MIEF1: variants seen among roughly 807,000 people sequenced by gnomAD.
The protein encoded by MIEF1 is mitochondrial dynamics protein MIEF1.
Under a neutral mutation model 35.1 loss-of-function variants are expected in MIEF1, and 14 were observed. The ratio of observed to expected loss-of-function variants is 0.40; its 90% CI spans 0.26 to 0.62. MIEF1 has a LOEUF of 0.62. MIEF1 is among the 20% of genes least tolerant of loss of function. The pLI, the probability that MIEF1 is intolerant of heterozygous loss-of-function variation, is 0.43. For synonymous variants in MIEF1, 245 were observed against 254.3 expected, an observed-to-expected ratio of 0.96 and a Z score of 0.35; for missense variants, 542 against 615.4, an observed-to-expected ratio of 0.88 and a Z score of 1.26.
chr22:39,506,503 ATTG>A (rs754924517), intron 2 of MIEF1, among the ~76,000 whole-genome samples: 2 of 152,070 alleles, frequency 1.3e-5, no homozygotes, highest in African/African-American at 2.4e-5. Flanking sequence ...ATCTCATGGG[ATTG>A]TTGTTGTGAG....
In MIEF1 at chr22:39,514,438, C is replaced by G; in HGVS notation, c.*115C>G. 1.0e-6 allele frequency: 1 copy of G among 976,886 alleles called. No homozygotes were observed. The highest frequency in any genetic ancestry group is 1.5e-5 in the South Asian group (1 of 67,106). The allele number at this position is 976,886 out of a possible 1,614,324, so 60.5% of individuals were successfully genotyped here. A position where few individuals can be genotyped will look rare whatever the true frequency, so the allele number is the denominator to read the frequency against. On this transcript the variant is annotated 3_prime_UTR_variant, in exon 6 of 6. Transcript: ENST00000325301. ...TCCTGCTGCCTGGTGTCTTGCTGAT[C>G]ATCACCCTGGTCACTTCATGCTGAT...
intron 1 of MIEF1, chr22:39,503,464 T>C (rs1459280783): frequency 2.0e-5 from 3 of 152,222 alleles, no homozygotes; most frequent in Non-Finnish European, 4.4e-5. Flanking sequence ...TTTACAGATA[T>C]GCTTGTGTAA....
At chr22:39,513,406 G>T in intron 5 of MIEF1, 111 bp from the exon 6 acceptor site, 1 of 1,167,294 alleles carries the variant, frequency 8.6e-7, no homozygotes, top group Non-Finnish European at 1.2e-6. Flanking sequence ...GCCCGGCCTA[G>T]AGTTCCCATT....
intron 2 of MIEF1, among the ~76,000 whole-genome samples, chr22:39,508,069 A>T (rs553552035): frequency 1.1e-3 from 167 of 152,298 alleles, no homozygotes; most frequent in African/African-American, 3.8e-3. Context: ...GCACTTTTAC[A>T]GTTTATAGAC....
In MIEF1 at chr22:39,514,036, G is replaced by A; in HGVS notation, c.1105G>A (p.Ala369Thr). ...ATCTCTGTGCCTCAAGATCCTCAAG[G>A]CCATATGCAAGTCCACCCCGGCTCT... ...CRSLCLKILK[A>T]ICKSTPALGH... Residue 369 changes from alanine to threonine, a missense_variant, in exon 6 of 6, where the codon GCC (alanine) becomes ACC (threonine). Physicochemically the swap from Ala to Thr is moderately conservative, Grantham distance 58. Coordinates refer to ENST00000325301, the MANE Select transcript of MIEF1 (RefSeq NM_019008.6). 6.2e-7 allele frequency: 1 copy of A among 1,613,758 alleles called. No individual in the cohort carries two copies. Among genetic ancestry groups the A allele is most frequent in the Non-Finnish European group, 8.5e-7 (1 of 1,180,032 alleles).
In MIEF1 at chr22:39,513,737, T is replaced by C; in HGVS notation, c.806T>C (p.Val269Ala). The change falls in exon 6 of 6, where the codon GTA (valine) becomes GCA (alanine). Residue 269 changes from valine (V) to alanine (A), a missense_variant. Transcript: ENST00000325301. ...ACAGTCGCAGATACATTTGAGAAGG[T>C]AGTGGCTGGCTCCATCAATTGGCCA... ...PKTVADTFEK[V>A]VAGSINWPAI... is the part of the protein sequence containing the mutation. The C allele has an allele frequency of 6.2e-7, 1 of 1,613,788 alleles. No homozygotes were observed. The highest frequency in any genetic ancestry group is 8.5e-7 in the Non-Finnish European group (1 of 1,179,958).
Position 39,512,008 on chromosome 22 carries a change from T to G in MIEF1, c.304T>G (p.Ser102Ala), listed in dbSNP as rs1178962596. Residue 102 changes from serine (S) to alanine (A), a missense_variant, in exon 4 of 6, where the codon TCC becomes GCC. Physicochemically the swap from Ser to Ala is moderately conservative, Grantham distance 99. Transcript: ENST00000325301. ...GTCCTTGCAGACCCTTCCCACAGAC[T>G]CCTCCACCTTCGACACAGGTGAGAA... ...SRSLQTLPTD[S>A]STFDTDTFCP... 5.0e-6 allele frequency: 8 copies of G among 1,613,050 alleles called. No individual in the cohort carries two copies. Among genetic ancestry groups the G allele is most frequent in the Non-Finnish European group, 6.8e-6 (8 of 1,179,628 alleles).
At chr22:39,512,683 G>T (rs1165375934) in intron 5 of MIEF1, among the ~76,000 whole-genome samples, 189 bp downstream of exon 5, 1 of 151,834 alleles carries the variant, frequency 6.6e-6, no homozygotes. Flanking sequence ...GTCTCACTCT[G>T]TCGCCCAGGC....
intron 2 of MIEF1, among the ~76,000 whole-genome samples, chr22:39,510,792 A>C (rs1234720758): frequency 6.7e-6 from 1 of 149,728 alleles, no homozygotes; most frequent in Non-Finnish European, 1.5e-5. Flanking sequence ...CCTGCATTAT[A>C]ACCCCTGTGA....
chr22:39,517,463 G>C lies in MIEF1; in HGVS notation c.*3140G>C, dbSNP rs1056284737. 1.3e-5 allele frequency: 6 copies of C among 460,674 alleles called. No individual in the cohort carries two copies. Among genetic ancestry groups the C allele is most frequent in the African/African-American group, 1.0e-4 (5 of 49,728 alleles). 28.5% of individuals were successfully genotyped at this position (460,674 alleles called of 1,614,324 possible). On this transcript the variant is annotated 3_prime_UTR_variant, in exon 6 of 6. Coordinates refer to ENST00000325301, the MANE Select transcript of MIEF1 (RefSeq NM_019008.6). ...TGTCCATATTCCACATTTGCTGACTGTGCTCCCTGCACTCCACTCAAGTTG... is the reference window on the plus strand; with the variant it reads ...TGTCCATATTCCACATTTGCTGACTCTGCTCCCTGCACTCCACTCAAGTTG...
In MIEF1 at chr22:39,513,550, C is replaced by T; in HGVS notation, c.619C>T (p.Pro207Ser). The part of the protein sequence containing the change: ...VTADHIQLIV[P>S]LVLEQNLWSC... Reference sequence around the variant, plus strand: ...AGCTGACCACATCCAACTCATTGTGCCCCTTGTGCTGGAGCAGAACCTGTG... The same window carrying T: ...AGCTGACCACATCCAACTCATTGTGTCCCTTGTGCTGGAGCAGAACCTGTG... Residue 207 changes from proline to serine, a missense_variant, in exon 6 of 6, where the codon CCC (proline) becomes TCC (serine). By Grantham distance (74) the Pro-to-Ser change is moderately conservative (BLOSUM62 -1). Coordinates refer to ENST00000325301, the MANE Select transcript of MIEF1 (RefSeq NM_019008.6). The T allele has an allele frequency of 3.1e-6, 5 of 1,614,134 alleles. No homozygotes were observed. Among genetic ancestry groups the T allele is most frequent in the Non-Finnish European group, 4.2e-6 (5 of 1,179,998 alleles).
chr22:39,503,413 C>T (rs779913987), intron 1 of MIEF1: 16 of 152,188 alleles, frequency 1.1e-4, no homozygotes, highest in Non-Finnish European at 2.9e-5. Flanking sequence ...TGACCACCTT[C>T]TAGATTCTTA....
chr22:39,505,194 C>CA (rs150106942), intron 2 of MIEF1, among the ~76,000 whole-genome samples: 17,058 of 145,566 alleles, frequency 0.12, 1,113 homozygotes, highest in Admixed American at 0.16. Flanking sequence ...ACTCCGTCTC[C>CA]AAAAAAAAAA....
chr22:39,506,557 T>C (rs1930025298), intron 2 of MIEF1, among the ~76,000 whole-genome samples: 2 of 152,178 alleles, frequency 1.3e-5, no homozygotes, highest in Non-Finnish European at 2.9e-5. Flanking sequence ...TGCCAGCACA[T>C]AATACACACT....
Position 39,515,040 on chromosome 22 carries a change from G to A in MIEF1, c.*717G>A. ...AGTTATTTGCAGGTTGAATTTCTTGGTGGCTATTAGCAGAAGTGCAGAGTA... is the reference window on the plus strand; with the variant it reads ...AGTTATTTGCAGGTTGAATTTCTTGATGGCTATTAGCAGAAGTGCAGAGTA... On this transcript the variant is annotated 3_prime_UTR_variant, in exon 6 of 6. Coordinates refer to ENST00000325301, the MANE Select transcript of MIEF1 (RefSeq NM_019008.6). The A allele has an allele frequency of 1.8e-6, 1 of 564,282 alleles. No individual in the cohort carries two copies. The highest frequency in any genetic ancestry group is 3.4e-5 in the Admixed American group (1 of 29,096). 35.0% of individuals were successfully genotyped at this position (564,282 alleles called of 1,614,324 possible).
chr22:39,513,463 C>T (rs1330667947), intron 5 of MIEF1, 54 bp from the exon 6 acceptor site: 4 of 1,540,148 alleles, frequency 2.6e-6, no homozygotes, highest in Non-Finnish European at 3.5e-6. Context: ...TTAGAGGAAG[C>T]ATGTCTTTTG....
intron 2 of MIEF1, among the ~76,000 whole-genome samples, chr22:39,506,418 C>G (rs755401714): frequency 6.6e-6 from 1 of 152,168 alleles, no homozygotes; most frequent in Non-Finnish European, 1.5e-5. Context: ...ACATACTTTA[C>G]TGACACAGTG....
chr22:39,509,020 G>A (rs116194435), intron 2 of MIEF1, among the ~76,000 whole-genome samples: 1,902 of 151,718 alleles, frequency 0.013, 51 homozygotes, highest in African/African-American at 0.041. Flanking sequence ...TCTTCAAGAC[G>A]GAGTCTTGCT....
chr22:39,511,151 C>G, intron 2 of MIEF1, 137 bp from the exon 3 acceptor site: 1 of 1,043,474 alleles, frequency 9.6e-7, no homozygotes, highest in Non-Finnish European at 1.4e-6. Context: ...GACCCTAAAG[C>G]ATGCAGTGCT....
Sources: gnomAD v4.1 joint callset for allele counts (sites outside exome capture counted in the v4.1 genomes callset) on GRCh38, gnomAD v4.1.1 for gene constraint, MANE v1.5 for transcripts, NCBI Gene and HGNC (gene_info 2026-07-23, HGNC 2026-07-21) for gene names.